Variants in SRR observed in about 807,000 individuals in gnomAD.
SRR encodes the protein serine racemase.
Under a neutral mutation model 32.7 loss-of-function variants are expected in SRR, and 19 were observed. That is an observed-to-expected ratio of 0.58 (90% CI 0.40 to 0.85). The LOEUF is 0.85. Among genes scored for constraint, SRR ranks in the 40% least tolerant of loss-of-function variants. SRR has a pLI of 0.00. For synonymous variants in SRR, 142 were observed against 140.9 expected (o/e 1.01, Z -0.06); for missense variants, 373 against 404.7 (o/e 0.92, Z 0.67).
chr17:2,314,582 CAA>C (rs35790609), intron 1 of SRR, among the ~76,000 whole-genome samples: 65,352 of 102,354 alleles, frequency 0.64, 18,217 homozygotes, highest in East Asian at 0.67. Context: ...GACTCTGTCT[CAA>C]AAAAAAAAAA....
At chr17:2,306,650 G>C (rs1346321728) in intron 1 of SRR, 2 of 363,696 alleles carry the variant, frequency 5.5e-6, no homozygotes, top group East Asian at 5.9e-5. Context: ...CAAGGAGGTA[G>C]AGGCTGCAGT....
At position 2,324,843 on chromosome 17, in the gene SRR, G is replaced by C. The variant is rs1267723308; in HGVS notation, c.*970G>C. 1 of 1,599,548 alleles carries C rather than the reference G, an allele frequency of 6.3e-7. No individual in the cohort carries two copies. The highest frequency in any genetic ancestry group is 1.8e-5 in the Admixed American group (1 of 55,850). ...GGCTGTGCATTCCTAAAGGACAAAA[G>C]CAAAGAAGCTATTTAGGAATTTACA... On this transcript the variant is annotated 3_prime_UTR_variant, in exon 8 of 8. Transcript: ENST00000344595.
chr17:2,303,620 C>T, upstream of SRR: 1 of 1,444,596 alleles, frequency 6.9e-7, no homozygotes, highest in South Asian at 1.3e-5. Flanking sequence ...AGGAGCTGGG[C>T]GGCGCGACTC....
chr17:2,309,981 A>G (rs1019520104), intron 1 of SRR: 2 of 152,178 alleles, frequency 1.3e-5, no homozygotes, highest in African/African-American at 4.8e-5. Flanking sequence ...ACGTGCAGAA[A>G]GCAGCAGAGG....
upstream of SRR, chr17:2,303,913 G>A: frequency 6.4e-6 from 3 of 471,892 alleles, no homozygotes; most frequent in Non-Finnish European, 1.1e-5. Context: ...GGGCGGGACC[G>A]GAGCGAGAGC....
intron 1 of SRR, chr17:2,307,192 A>G: frequency 1.5e-6 from 2 of 1,364,938 alleles, no homozygotes; most frequent in East Asian, 4.6e-5. Context: ...CAGTGGCAAG[A>G]AAAGGGGCTT....
chr17:2,310,870 C>T (rs2075428690), intron 1 of SRR, among the ~76,000 whole-genome samples: 1 of 152,134 alleles, frequency 6.6e-6, no homozygotes, highest in Non-Finnish European at 1.5e-5. Context: ...CCTCAGCCTC[C>T]CGAGTAGCTG....
At chr17:2,318,091 C>A in intron 3 of SRR, 95 bp downstream of exon 3, 1 of 1,341,838 alleles carries the variant, frequency 7.5e-7, no homozygotes, top group Non-Finnish European at 9.9e-7. Flanking sequence ...TGGGAAGTAA[C>A]TTTCCAAAGA....
intron 3 of SRR, 101 bp from the exon 4 acceptor site, chr17:2,318,725 C>T: frequency 1.4e-6 from 1 of 731,270 alleles, no homozygotes; most frequent in Non-Finnish European, 2.4e-6. Context: ...CTGCCTCAGC[C>T]TCCCAAAGTG....
intron 6 of SRR, chr17:2,322,860 G>A (rs1381488874): frequency 7.5e-6 from 3 of 397,366 alleles, no homozygotes; most frequent in African/African-American, 6.2e-5. Context: ...CCCCTCCCAA[G>A]TTCAAGTGAT....
intron 1 of SRR, among the ~76,000 whole-genome samples, chr17:2,308,091 C>A: frequency 6.8e-6 from 1 of 147,420 alleles, no homozygotes. Context: ...TTAAATAATT[C>A]ATGGGTCAAA....
chr17:2,324,328 A>G lies in SRR; in HGVS notation c.*455A>G. ...ACAGGTTCATCAGTACTGTGTCTTG[A>G]GATTTTAGCTTCCCATCAAAGCTGC... is the stretch of plus-strand genomic sequence containing the variant. On this transcript the variant is annotated 3_prime_UTR_variant, in exon 8 of 8. Coordinates refer to ENST00000344595, the MANE Select transcript of SRR (RefSeq NM_021947.3). 1 of 1,565,398 alleles carries G rather than the reference A, an allele frequency of 6.4e-7. No individual in the cohort carries two copies. Among genetic ancestry groups the G allele is most frequent in the Non-Finnish European group, 8.6e-7 (1 of 1,159,282 alleles).
intron 1 of SRR, chr17:2,307,456 G>A (rs1331929901): frequency 2.1e-6 from 3 of 1,415,106 alleles, no homozygotes; most frequent in Admixed American, 3.4e-5. Flanking sequence ...TGGCAGCTGT[G>A]GTGGTGGTGG....
At chr17:2,313,017 C>G (rs1328974358) in intron 1 of SRR, among the ~76,000 whole-genome samples, 1 of 152,212 alleles carries the variant, frequency 6.6e-6, no homozygotes, top group Non-Finnish European at 1.5e-5. Flanking sequence ...ATAACACACT[C>G]CCGGGCTCAA....
intron 6 of SRR, chr17:2,322,730 A>T (rs557439675): frequency 6.1e-6 from 1 of 165,250 alleles, no homozygotes; most frequent in African/African-American, 2.5e-5. Context: ...GTTAGCCAGG[A>T]TGGTCTTGAT....
chr17:2,312,490 G>C (rs1398800536), intron 1 of SRR, among the ~76,000 whole-genome samples: 1 of 152,144 alleles, frequency 6.6e-6, no homozygotes, highest in South Asian at 2.1e-4. Flanking sequence ...AGCTACTCGG[G>C]AGGCTGAGGC....
chr17:2,309,615 GAT>G, intron 1 of SRR, among the ~76,000 whole-genome samples: 1 of 152,172 alleles, frequency 6.6e-6, no homozygotes, highest in African/African-American at 2.4e-5. Flanking sequence ...TAATGTGTTT[GAT>G]ATATGTCTTT....
chr17:2,309,150 G>T (rs559239234), intron 1 of SRR, among the ~76,000 whole-genome samples: 1 of 152,204 alleles, frequency 6.6e-6, no homozygotes, highest in Non-Finnish European at 1.5e-5. Context: ...ATTTGTAGAG[G>T]CAGGGTTTCC....
At chr17:2,305,637 A>G (rs914991270) in intron 1 of SRR, among the ~76,000 whole-genome samples, 1 of 152,252 alleles carries the variant, frequency 6.6e-6, no homozygotes, top group African/African-American at 2.4e-5. Context: ...CCAGGTAAAA[A>G]GAAATGACAA....
Sources: gnomAD v4.1 joint callset for allele counts (sites outside exome capture counted in the v4.1 genomes callset) on GRCh38, gnomAD v4.1.1 for gene constraint, MANE v1.5 for transcripts, NCBI Gene and HGNC (gene_info 2026-07-23, HGNC 2026-07-21) for gene names.